The following FAM83F variants were observed in gnomAD, a reference collection of about 807,000 sequenced individuals.
FAM83F encodes the protein scaffolding CK1 anchoring protein F.
FAM83F carries 45 observed loss-of-function variants against 42.9 expected under a neutral mutation model. The ratio of observed to expected loss-of-function variants is 1.05; its 90% CI spans 0.83 to 1.35. The LOEUF is 1.35. FAM83F is among the 40% of genes most tolerant of loss of function. The pLI is 0.00. For synonymous variants in FAM83F, 306 were observed against 298.3 expected, an observed-to-expected ratio of 1.03 and a Z score of -0.27; for missense variants, 617 against 695.9, an observed-to-expected ratio of 0.89 and a Z score of 1.28.
intron 1 of FAM83F, among the ~76,000 whole-genome samples, chr22:40,002,471 G>C (rs536254868): frequency 1.3e-5 from 2 of 152,154 alleles, no homozygotes; most frequent in African/African-American, 4.8e-5. Context: ...AGAAGTTGGG[G>C]CCTCAGTAAA....
chr22:40,020,411 G>A (rs1243000330), intron 3 of FAM83F, among the ~76,000 whole-genome samples: 1 of 142,234 alleles, frequency 7.0e-6, no homozygotes, highest in Non-Finnish European at 1.5e-5. Flanking sequence ...TGCCCAGGCT[G>A]GACTGCAGTG....
rs1429273589 is a variant in FAM83F, at chr22:40,038,660, CAGA to C, written c.*9096_*9098del. 1 of 152,766 alleles carries C rather than the reference CAGA, an allele frequency of 6.5e-6. No individual in the cohort carries two copies. The highest frequency in any genetic ancestry group is 1.9e-4 in the East Asian group (1 of 5,306). The allele number at this position is 152,766 out of a possible 1,614,324, so 9.5% of individuals were successfully genotyped here. ...GCCTGCCTCGGCTGCAGAAACCCCT[CAGA>C]GGAGGAGGAGGGGCTTGAACTGAGC... On this transcript the variant is annotated 3_prime_UTR_variant, in exon 5 of 5. Coordinates refer to ENST00000333407, the MANE Select transcript of FAM83F (RefSeq NM_138435.4).
intron 1 of FAM83F, among the ~76,000 whole-genome samples, chr22:40,004,448 G>A (rs774000356): frequency 6.6e-5 from 10 of 151,978 alleles, no homozygotes; most frequent in East Asian, 1.9e-4. Flanking sequence ...GACTACAGGC[G>A]TGTGCCACCA....
In FAM83F at chr22:40,021,236, G is replaced by C; in HGVS notation, c.780-54G>C. 1 of 1,487,754 alleles carries C rather than the reference G, an allele frequency of 6.7e-7. No homozygotes were observed. Among genetic ancestry groups the C allele is most frequent in the Non-Finnish European group, 8.9e-7 (1 of 1,117,936 alleles). 92.2% of individuals were successfully genotyped at this position (1,487,754 alleles called of 1,614,324 possible). A position where few individuals can be genotyped will look rare whatever the true frequency, so the allele number is the denominator to read the frequency against. ...AGGGGCAGGTGGGGGCGGGGGCAGG[G>C]CAAGAGAGAGGCCTGGGCACATGTG... is the stretch of plus-strand genomic sequence containing the variant. On this transcript the variant is annotated intron_variant, in intron 3 of 4. Transcript: ENST00000333407. The surrounding 1 kb of genome is among the most constrained non-coding windows in gnomAD (Gnocchi z 8.7).
chr22:40,007,656 GTTTCCTCTCCTCTCCTCCTCA>G (rs1174270072), intron 1 of FAM83F, among the ~76,000 whole-genome samples: 26 of 51,030 alleles, frequency 5.1e-4, no homozygotes, highest in Admixed American at 1.3e-3. Context: ...TCTCCTCCTC[GTTTCCTCTCCTCTCCTCCTCA>G]TTTCCTCTCC....
rs931571434 is a variant in FAM83F, at chr22:40,031,353, C to T, written c.*1788C>T. On this transcript the variant is annotated 3_prime_UTR_variant, in exon 5 of 5. Coordinates refer to ENST00000333407, the MANE Select transcript of FAM83F (RefSeq NM_138435.4). ...AAACTGCAACGCGGCAAAGAGATCA[C>T]TCTCTGGTGTGGAGGGTGGGTGTCT... 6.6e-6 allele frequency: 1 copy of T among 152,174 alleles called. No homozygotes were observed. The highest frequency in any genetic ancestry group is 2.4e-5 in the African/African-American group (1 of 41,408). The allele number at this position is 152,174 out of a possible 1,614,324, so 9.4% of individuals were successfully genotyped here. A position where few individuals can be genotyped will look rare whatever the true frequency, so the allele number is the denominator to read the frequency against.
intron 1 of FAM83F, among the ~76,000 whole-genome samples, chr22:40,017,927 C>T (rs1219375138): frequency 6.6e-6 from 1 of 152,234 alleles, no homozygotes; most frequent in Non-Finnish European, 1.5e-5. Flanking sequence ...AACAAAATCT[C>T]TCCGACCCCA....
intron 1 of FAM83F, among the ~76,000 whole-genome samples, chr22:40,015,352 C>T (rs1213228320): frequency 6.6e-6 from 1 of 152,106 alleles, no homozygotes; most frequent in African/African-American, 2.4e-5. Flanking sequence ...TTCTCGAAGT[C>T]CAGTGATTTA....
At chr22:40,001,053 T>G (rs2067398662) in intron 1 of FAM83F, among the ~76,000 whole-genome samples, 1 of 152,214 alleles carries the variant, frequency 6.6e-6, no homozygotes. Flanking sequence ...CACTTAGCCT[T>G]TCTGGGATCT....
At chr22:40,007,890 C>T (rs1423474161) in intron 1 of FAM83F, among the ~76,000 whole-genome samples, 1 of 152,200 alleles carries the variant, frequency 6.6e-6, no homozygotes, top group Non-Finnish European at 1.5e-5. Context: ...TACTTAACGA[C>T]ACCCTCTCCT....
intron 4 of FAM83F, among the ~76,000 whole-genome samples, chr22:40,028,826 C>T (rs1005170484): frequency 6.6e-6 from 1 of 152,196 alleles, no homozygotes; most frequent in Non-Finnish European, 1.5e-5. Flanking sequence ...GGTGGCAGCT[C>T]TTGGCCAGCG....
chr22:40,005,333 A>G (rs960097959), intron 1 of FAM83F, among the ~76,000 whole-genome samples: 3 of 152,238 alleles, frequency 2.0e-5, no homozygotes, highest in Non-Finnish European at 2.9e-5. Context: ...CCACTGATTT[A>G]TCTTTCTAAT....
chr22:39,999,543 G>A (rs1042792143), intron 1 of FAM83F, among the ~76,000 whole-genome samples: 10 of 152,130 alleles, frequency 6.6e-5, no homozygotes, highest in Admixed American at 1.3e-4. Flanking sequence ...CAATAGCTGC[G>A]TAAGGCAGGG....
Position 40,000,762 on chromosome 22 carries a change from T to G in FAM83F, c.489+5231T>G, listed in dbSNP as rs1031245678. Among the ~76,000 whole-genome samples, 6 of 152,278 alleles carry G rather than the reference T, an allele frequency of 3.9e-5. 2 individuals carry two copies. Among genetic ancestry groups the G allele is most frequent in the Admixed American group, 3.9e-4 (6 of 15,290 alleles). On this transcript the variant is annotated intron_variant, in intron 1 of 4. Coordinates refer to ENST00000333407, the MANE Select transcript of FAM83F (RefSeq NM_138435.4). ...TGCTCCTAATACCTTCCTGCCTCCC[T>G]CTTTTCTCCCATTATCCTCCTCCCC...
chr22:40,022,332 A>G (rs1412113889), intron 4 of FAM83F, among the ~76,000 whole-genome samples: 2 of 152,238 alleles, frequency 1.3e-5, no homozygotes, highest in African/African-American at 2.4e-5. Context: ...TCTCCTTTGT[A>G]AGTGAAGAAA....
Position 40,019,964 on chromosome 22 carries a change from G to T in FAM83F, c.735G>T (p.Arg245Ser), listed in dbSNP as rs12330063. ...MGRIKGTLSS[R>S]FLMVDGDKVA... ...GGATCAAGGGGACCCTGTCATCAAG[G>T]TTCCTGATGGTGGACGGTGACAAAG... The change falls in exon 3 of 5, where the codon AGG becomes AGT. Residue 245 changes from arginine (R) to serine (S), a missense_variant. Physicochemically the swap from Arg to Ser is moderately radical, Grantham distance 110 (BLOSUM62 -1). Transcript: ENST00000333407. The T allele has an allele frequency of 2.0e-3, 3,271 of 1,613,684 alleles. 49 individuals are homozygous for T. In the African/African-American group the frequency reaches 0.039, roughly 19 times the overall value.
chr22:40,020,160 C>T, intron 3 of FAM83F, 152 bp downstream of exon 3: 1 of 1,092,720 alleles, frequency 9.2e-7, no homozygotes, highest in Non-Finnish European at 1.2e-6. Flanking sequence ...CAGTCCCTTC[C>T]CTCAAACTTC....
intron 1 of FAM83F, among the ~76,000 whole-genome samples, chr22:40,011,629 C>T (rs1489260259): frequency 6.6e-6 from 1 of 152,162 alleles, no homozygotes; most frequent in African/African-American, 2.4e-5. Context: ...AGATCTCACT[C>T]TTTAACATTT....
In FAM83F at chr22:40,029,080, C is replaced by CGT. The variant is rs55770640; in HGVS notation, c.1454-384_1454-383dup. On this transcript the variant is annotated intron_variant, in intron 4 of 4. Coordinates refer to ENST00000333407, the MANE Select transcript of FAM83F (RefSeq NM_138435.4). ...GGTAGTGAGCGGCCTCTTGGCTAGA[C>CGT]GTGTGTGTGTGTGTGTGTGTGTGTG... Among the ~76,000 whole-genome samples, 759 of 130,594 alleles carry CGT rather than the reference C, an allele frequency of 5.8e-3. 8 individuals carry two copies. The highest frequency in any genetic ancestry group is 9.0e-3 in the South Asian group (30 of 3,342). The allele number at this position is 130,594 out of a possible 152,430, so 85.7% of individuals were successfully genotyped here.
Sources: gnomAD v4.1 joint callset for allele counts (sites outside exome capture counted in the v4.1 genomes callset) on GRCh38, gnomAD v4.1.1 for gene constraint, Gnocchi (gnomAD v3.1) non-coding constraint, MANE v1.5 for transcripts, NCBI Gene and HGNC (gene_info 2026-07-23, HGNC 2026-07-21) for gene names.